The following SHB variants were observed in gnomAD, a reference collection of about 807,000 sequenced individuals.
SHB encodes the protein SH2 domain containing adaptor protein B.
Under a neutral mutation model 52.3 loss-of-function variants are expected in SHB, and 20 were observed. The ratio of observed to expected loss-of-function variants is 0.38; its 90% CI spans 0.27 to 0.56. The LOEUF is 0.56. Among genes scored for constraint, SHB ranks in the 20% least tolerant of loss-of-function variants. SHB has a pLI of 0.71. For synonymous variants in SHB, 397 were observed against 316.5 expected (o/e 1.25, Z -2.70); for missense variants, 825 against 723.3 (o/e 1.14, Z -1.61).
intron 2 of SHB, among the ~76,000 whole-genome samples, chr9:37,993,710 C>T (rs1473110461): frequency 1.3e-5 from 2 of 151,650 alleles, no homozygotes; most frequent in African/African-American, 4.8e-5. Context: ...CTAAAAATAA[C>T]TGGGAGTGTA....
intron 5 of SHB, among the ~76,000 whole-genome samples, chr9:37,926,225 C>T (rs1832249311): frequency 6.7e-6 from 1 of 149,530 alleles, no homozygotes; most frequent in Non-Finnish European, 1.5e-5. Flanking sequence ...GGCAATTCTG[C>T]CTCTTGAAAG....
chr9:38,000,998 A>G (rs1053517507), intron 2 of SHB, among the ~76,000 whole-genome samples: 2 of 152,210 alleles, frequency 1.3e-5, no homozygotes, highest in Non-Finnish European at 2.9e-5. Flanking sequence ...TGAGAATCCA[A>G]TCAGCAGGGA....
chr9:38,028,309 G>A (rs1187047649), intron 1 of SHB, among the ~76,000 whole-genome samples: 3 of 152,294 alleles, frequency 2.0e-5, no homozygotes, highest in Admixed American at 6.5e-5. Flanking sequence ...AATAATGGAC[G>A]GGCTCATGCA....
intron 3 of SHB, among the ~76,000 whole-genome samples, chr9:37,969,456 A>T (rs1820567912): frequency 6.6e-6 from 1 of 152,242 alleles, no homozygotes; most frequent in African/African-American, 2.4e-5. Context: ...CAACAATGCC[A>T]GTACTTTCCT....
In SHB at chr9:38,024,678, C is replaced by CT. The variant is rs1821320007; in HGVS notation, c.718-8548dup. On this transcript the variant is annotated intron_variant, in intron 1 of 5. Coordinates refer to ENST00000377707, the MANE Select transcript of SHB (RefSeq NM_003028.3). ...CAGAACCTCAAGTGGTAGAGACAGGCTTTTCAGCATCTCTCAAGTAGTGGG... is the reference window on the plus strand; with the variant it reads ...CAGAACCTCAAGTGGTAGAGACAGGCTTTTTCAGCATCTCTCAAGTAGTGGG... Among the ~76,000 whole-genome samples the CT allele has an allele frequency of 3.3e-5, 5 of 152,138 alleles. 1 individual carries two copies. The South Asian group carries it at 1.0e-3, about 31-fold the overall frequency.
In SHB at chr9:37,956,060, G is replaced by C. The variant is rs905847233; in HGVS notation, c.1055-6C>G. The C allele has an allele frequency of 6.4e-7, 1 of 1,554,870 alleles. No homozygotes were observed. Among genetic ancestry groups the C allele is most frequent in the Admixed American group, 2.0e-5 (1 of 51,094 alleles). The stretch of plus-strand genomic sequence containing the variant: ...CTCGTTGCCATTAAACTGTGCTGTG[G>C]GGAGAGAGAGAAAGTGCAGGGTTAG... On this transcript the variant is annotated splice_region_variant and splice_polypyrimidine_tract_variant and intron_variant, in intron 3 of 5. Transcript: ENST00000377707.
chr9:37,935,234 T>C (rs1832355386), intron 5 of SHB, among the ~76,000 whole-genome samples: 1 of 152,218 alleles, frequency 6.6e-6, no homozygotes, highest in Admixed American at 6.5e-5. Flanking sequence ...GAGTTTCTAA[T>C]CACTGTTACT....
At chr9:37,988,550 C>T (rs1820839211) in intron 2 of SHB, among the ~76,000 whole-genome samples, 1 of 152,114 alleles carries the variant, frequency 6.6e-6, no homozygotes. Context: ...CAAATGCCTC[C>T]AAAATCCGAC....
chr9:38,040,753 G>C (rs1821565245), intron 1 of SHB, among the ~76,000 whole-genome samples: 1 of 152,172 alleles, frequency 6.6e-6, no homozygotes, highest in African/African-American at 2.4e-5. Flanking sequence ...GGGAGGTATA[G>C]AGCAAAATGA....
chr9:37,966,353 T>C lies in SHB; in HGVS notation c.1054+8269A>G, dbSNP rs138157367. Among the ~76,000 whole-genome samples, 17 of 152,358 alleles carry C rather than the reference T, an allele frequency of 1.1e-4. No homozygotes were observed. The East Asian group carries it at 3.3e-3, about 29-fold the overall frequency. Reference sequence around the variant, plus strand: ...TGGAGGAATATTTCTATCAATGTAATTAGCAGATGAAACAAAGCTATTAAA... The same window carrying C: ...TGGAGGAATATTTCTATCAATGTAACTAGCAGATGAAACAAAGCTATTAAA... On this transcript the variant is annotated intron_variant, in intron 3 of 5. Coordinates refer to ENST00000377707, the MANE Select transcript of SHB (RefSeq NM_003028.3).
Position 37,919,806 on chromosome 9 carries a change from G to T in SHB, c.*15C>A, listed in dbSNP as rs1832154155. 6 of 1,609,292 alleles carry T rather than the reference G, an allele frequency of 3.7e-6. No individual in the cohort carries two copies. The East Asian group carries it at 1.1e-4, about 30-fold the overall frequency. On this transcript the variant is annotated 3_prime_UTR_variant, in exon 6 of 6. Coordinates refer to ENST00000377707, the MANE Select transcript of SHB (RefSeq NM_003028.3). The stretch of plus-strand genomic sequence containing the variant: ...GTCTCAGGCTCTGTCACAGAGCAGG[G>T]CAGGTCTGGTCCGCTCACAGGGTCC...
intron 5 of SHB, among the ~76,000 whole-genome samples, chr9:37,947,015 C>G (rs1011407712): frequency 5.9e-5 from 9 of 152,192 alleles, no homozygotes; most frequent in African/African-American, 1.7e-4. Context: ...TGCACGCCCC[C>G]CTGCTGCTGT....
intron 2 of SHB, among the ~76,000 whole-genome samples, chr9:37,991,052 C>T (rs1820874514): frequency 6.6e-6 from 1 of 152,090 alleles, no homozygotes; most frequent in Non-Finnish European, 1.5e-5. Context: ...TTACTCAGAG[C>T]ACATATTACC....
intron 1 of SHB, among the ~76,000 whole-genome samples, chr9:38,063,702 A>T (rs1286807606): frequency 1.3e-5 from 2 of 152,110 alleles, no homozygotes; most frequent in Admixed American, 1.3e-4. Context: ...TCAACTGCAA[A>T]CTGAGAAGCT....
At chr9:37,999,042 C>G (rs1204577046) in intron 2 of SHB, among the ~76,000 whole-genome samples, 1 of 152,168 alleles carries the variant, frequency 6.6e-6, no homozygotes, top group Non-Finnish European at 1.5e-5. Context: ...CCCTGGGGAG[C>G]CCCTCAGTGA....
intron 1 of SHB, among the ~76,000 whole-genome samples, chr9:38,059,828 G>T (rs924178135): frequency 6.6e-5 from 10 of 152,288 alleles, no homozygotes; most frequent in African/African-American, 2.4e-4. Flanking sequence ...TGTGAGGCAG[G>T]GAAGAATGCA....
chr9:38,009,357 G>A (rs1343414076), intron 2 of SHB, among the ~76,000 whole-genome samples: 1 of 152,262 alleles, frequency 6.6e-6, no homozygotes, highest in Non-Finnish European at 1.5e-5. Flanking sequence ...AGGGCAGCTG[G>A]AGAAGCCCAG....
In SHB at chr9:37,916,535, G is replaced by A. The variant is rs965623017; in HGVS notation, c.*3286C>T. ...TGCAGCTCCACCCTGTTGACCGGAC[G>A]CCTTGCGGGTAGCTGCTTCAGGTTT... On this transcript the variant is annotated 3_prime_UTR_variant, in exon 6 of 6. Coordinates refer to ENST00000377707, the MANE Select transcript of SHB (RefSeq NM_003028.3). Among the ~76,000 whole-genome samples the A allele has an allele frequency of 5.3e-5, 8 of 152,244 alleles. No homozygotes were observed. The highest frequency in any genetic ancestry group is 4.4e-5 in the Non-Finnish European group (3 of 68,036).
At chr9:37,974,178 C>A (rs2117965333) in intron 3 of SHB, among the ~76,000 whole-genome samples, 1 of 152,222 alleles carries the variant, frequency 6.6e-6, no homozygotes, top group South Asian at 2.1e-4. Context: ...ATCACTTGAA[C>A]CTGGGAGATG....
Sources: allele counts gnomAD v4.1 joint callset (sites outside exome capture counted in the v4.1 genomes callset), GRCh38; gene constraint gnomAD v4.1.1; transcripts MANE v1.5; gene names NCBI Gene and HGNC (gene_info 2026-07-23, HGNC 2026-07-21).